The following CD44 variants were observed in gnomAD, a reference collection of about 807,000 sequenced individuals.
CD44 encodes the protein CD44 antigen.
CD44 carries 49 observed loss-of-function variants against 88.8 expected under a neutral mutation model. The observed-to-expected ratio is 0.55, with a 90% CI of 0.44 to 0.70. The LOEUF is 0.70. CD44 is among the 30% of genes least tolerant of loss of function. CD44 has a pLI of 0.00. For missense variants in CD44, 883 were observed against 913.8 expected, an observed-to-expected ratio of 0.97 and a Z score of 0.43; for synonymous variants, 325 against 312.3, an observed-to-expected ratio of 1.04 and a Z score of -0.43.
intron 17 of CD44, among the ~76,000 whole-genome samples, chr11:35,228,747 C>T (rs1287286652): frequency 6.6e-6 from 1 of 152,144 alleles, no homozygotes; most frequent in Non-Finnish European, 1.5e-5. Context: ...GGTTTGCAAA[C>T]TTGACTGTGC....
At chr11:35,173,526 T>C (rs1039925841) in intron 1 of CD44, among the ~76,000 whole-genome samples, 5 of 152,088 alleles carry the variant, frequency 3.3e-5, no homozygotes, top group East Asian at 1.9e-4. Context: ...AAAACACATT[T>C]TCTCCATTTC....
At chr11:35,146,100 T>C (rs1364651857) in intron 1 of CD44, among the ~76,000 whole-genome samples, 1 of 152,072 alleles carries the variant, frequency 6.6e-6, no homozygotes, top group African/African-American at 2.4e-5. Context: ...CAGAGCCAGA[T>C]CTCCCCGAGT....
chr11:35,200,576 C>T (rs1348189636), intron 7 of CD44: 2 of 155,544 alleles, frequency 1.3e-5, no homozygotes, highest in African/African-American at 2.4e-5. Context: ...AAAGCTCTAG[C>T]TGCTCAGGCA....
At chr11:35,170,719 A>G (rs1450808185) in intron 1 of CD44, among the ~76,000 whole-genome samples, 1 of 152,228 alleles carries the variant, frequency 6.6e-6, no homozygotes, top group Non-Finnish European at 1.5e-5. Context: ...GCCATTTAGT[A>G]TTAGCTTCTT....
At chr11:35,156,989 G>C (rs1941952420) in intron 1 of CD44, among the ~76,000 whole-genome samples, 1 of 152,282 alleles carries the variant, frequency 6.6e-6, no homozygotes, top group South Asian at 2.1e-4. Context: ...AGCTAAGATT[G>C]TGCTACTGCA....
intron 1 of CD44, among the ~76,000 whole-genome samples, chr11:35,157,770 C>T (rs1021567066): frequency 1.3e-5 from 2 of 152,236 alleles, no homozygotes; most frequent in African/African-American, 2.4e-5. Context: ...CATGCAACAT[C>T]TGCCCACTCA....
intron 1 of CD44, among the ~76,000 whole-genome samples, chr11:35,156,430 G>A (rs752957402): frequency 4.6e-5 from 7 of 152,212 alleles, no homozygotes; most frequent in South Asian, 2.1e-4. Context: ...AGGCAGGAAG[G>A]GTGCCGGTTC....
intron 1 of CD44, among the ~76,000 whole-genome samples, chr11:35,171,340 A>G (rs1199106794): frequency 6.6e-6 from 1 of 152,240 alleles, no homozygotes; most frequent in Non-Finnish European, 1.5e-5. Flanking sequence ...TGCAACTCCT[A>G]AGTAGCTAAA....
Position 35,201,151 on chromosome 11 carries a change from A to T in CD44, c.992A>T (p.His331Leu), listed in dbSNP as rs764023818. ...GACTGGACCCAGTGGAACCCAAGCC[A>T]TTCAAATCCGGAAGTGCTACTTCAG... is the stretch of plus-strand genomic sequence containing the variant. ...NQDWTQWNPS[H>L]SNPEVLLQTT... is the part of the protein sequence containing the mutation. The change falls in exon 8 of 18, where the codon CAT (histidine) becomes CTT (leucine). Residue 331 changes from histidine (H) to leucine (L), a missense_variant. His to Leu is a moderately conservative substitution (Grantham distance 99). Transcript: ENST00000428726. The T allele has an allele frequency of 1.2e-6, 2 of 1,614,102 alleles. No homozygotes were observed. The highest frequency in any genetic ancestry group is 1.7e-6 in the Non-Finnish European group (2 of 1,179,934).
chr11:35,202,666 T>C (rs550263171), intron 9 of CD44, among the ~76,000 whole-genome samples: 2 of 152,284 alleles, frequency 1.3e-5, no homozygotes, highest in Non-Finnish European at 2.9e-5. Context: ...TGGGAATCTA[T>C]GGCTTGAGGG....
intron 2 of CD44, 100 bp downstream of exon 2, chr11:35,176,840 A>G (rs1482567379): frequency 3.4e-6 from 4 of 1,163,500 alleles, no homozygotes; most frequent in Non-Finnish European, 1.2e-6. Flanking sequence ...TGAATGGATT[A>G]TTGCCTAAGG....
intron 1 of CD44, among the ~76,000 whole-genome samples, chr11:35,175,864 C>CT (rs71457374): frequency 0.078 from 9,582 of 123,106 alleles, 468 homozygotes; most frequent in Middle Eastern, 0.14. Flanking sequence ...TTTGTTTGTT[C>CT]TTTTTTTTTT....
At chr11:35,144,995 G>A (rs948602034) in intron 1 of CD44, among the ~76,000 whole-genome samples, 5 of 152,192 alleles carry the variant, frequency 3.3e-5, no homozygotes, top group African/African-American at 4.8e-5. Flanking sequence ...ACCAAGATAA[G>A]CCACATGTTT....
intron 1 of CD44, among the ~76,000 whole-genome samples, chr11:35,154,846 A>T (rs1028487297): frequency 2.6e-5 from 4 of 152,192 alleles, no homozygotes; most frequent in Non-Finnish European, 5.9e-5. Context: ...CAGCTCTCAT[A>T]AAATATTACC....
intron 15 of CD44, among the ~76,000 whole-genome samples, chr11:35,216,266 A>C (rs1591312061): frequency 6.6e-6 from 1 of 151,998 alleles, no homozygotes; most frequent in Non-Finnish European, 1.5e-5. Flanking sequence ...TTTACTAATT[A>C]CTTCTACTGC....
intron 5 of CD44, 73 bp downstream of exon 5, chr11:35,190,138 G>A: frequency 7.9e-7 from 1 of 1,260,118 alleles, no homozygotes; most frequent in Non-Finnish European, 1.2e-6. Context: ...CCTGAGCATT[G>A]CACACTCACG....
chr11:35,188,373 G>C (rs1464858819), intron 4 of CD44, among the ~76,000 whole-genome samples: 1 of 152,202 alleles, frequency 6.6e-6, no homozygotes, highest in African/African-American at 2.4e-5. Flanking sequence ...TGAGATTTTA[G>C]AGGAGTGACT....
At chr11:35,208,552 G>T (rs1202994843) in intron 12 of CD44, among the ~76,000 whole-genome samples, 1 of 152,076 alleles carries the variant, frequency 6.6e-6, no homozygotes, top group Non-Finnish European at 1.5e-5. Flanking sequence ...TCCTTTCAAT[G>T]TCCATCTTTC....
chr11:35,179,619 C>T (rs1944800042), intron 2 of CD44, among the ~76,000 whole-genome samples: 1 of 152,098 alleles, frequency 6.6e-6, no homozygotes, highest in South Asian at 2.1e-4. Context: ...GCTATGACTC[C>T]CATTGTAATG....
Sources: allele counts gnomAD v4.1 joint callset (sites outside exome capture counted in the v4.1 genomes callset), GRCh38; gene constraint gnomAD v4.1.1; transcripts MANE v1.5; gene names NCBI Gene and HGNC (gene_info 2026-07-23, HGNC 2026-07-21).